RFWD3: variants seen among roughly 807,000 people sequenced by gnomAD.
The protein encoded by RFWD3 is E3 ubiquitin-protein ligase RFWD3.
Under a neutral mutation model 87.7 loss-of-function variants are expected in RFWD3, and 65 were observed. The ratio of observed to expected loss-of-function variants is 0.74; its 90% confidence interval spans 0.61 to 0.91. The LOEUF is 0.91. Ranked by LOEUF, RFWD3 falls within the 40% of genes least tolerant of loss-of-function variation. RFWD3 has a pLI of 0.00. For missense variants in RFWD3, 1,078 were observed against 938.5 expected (o/e 1.15, Z -1.94); for synonymous variants, 433 against 352.8 (o/e 1.23, Z -2.55).
At chr16:74,632,815 G>C in intron 8 of RFWD3, 142 bp from the exon 9 acceptor site, 1 of 687,180 alleles carries the variant, frequency 1.5e-6, no homozygotes, top group Non-Finnish European at 2.4e-6. Flanking sequence ...AAATTCTCTA[G>C]TGTTACAATT....
rs1403791021 is a variant in RFWD3, at chr16:74,637,909, G to A, written c.1141C>T (p.Leu381Phe). The part of the protein sequence containing the change: ...QAELESAQCR[L>F]QLQVLTDKCT... ...TTATCAGTGAGGACCTGCAGTTGGAGTCGGCACTGTGCTGATTCTAACTCG... is the reference window on the plus strand; with the variant it reads ...TTATCAGTGAGGACCTGCAGTTGGAATCGGCACTGTGCTGATTCTAACTCG... The change falls in exon 7 of 13, where the codon CTC (leucine) becomes TTC (phenylalanine). Residue 381 changes from leucine (L) to phenylalanine (F), a missense_variant. Physicochemically the swap from Leu to Phe is conservative, Grantham distance 22. Coordinates refer to ENST00000361070, the MANE Select transcript of RFWD3 (RefSeq NM_018124.4). 1 of 1,612,862 alleles carries A rather than the reference G, an allele frequency of 6.2e-7. No homozygotes were observed. The highest frequency in any genetic ancestry group is 2.2e-5 in the East Asian group (1 of 44,864).
At position 74,661,183 on chromosome 16, in the gene RFWD3, G is replaced by A. The variant is rs1325294681; in HGVS notation, c.267C>T (p.Asp89=). The change falls in exon 2 of 13, where the codon GAC becomes GAT. Residue 89 remains aspartate (D), a synonymous_variant. Coordinates refer to ENST00000361070, the MANE Select transcript of RFWD3 (RefSeq NM_018124.4). ...DLTEVEVLGE[D]TVENINPRTS... Reference sequence around the variant, plus strand: ...TTCTTGGATTGATGTTCTCCACAGTGTCTTCTCCCAAGACCTCCACTTCTG... The same window carrying A: ...TTCTTGGATTGATGTTCTCCACAGTATCTTCTCCCAAGACCTCCACTTCTG... The A allele has an allele frequency of 9.3e-6, 15 of 1,614,090 alleles. No homozygotes were observed. Among genetic ancestry groups the A allele is most frequent in the Admixed American group, 1.7e-5 (1 of 60,002 alleles).
At position 74,626,394 on chromosome 16, in the gene RFWD3, A is replaced by C; in HGVS notation, c.2130T>G (p.Asn710Lys). 1 of 1,614,244 alleles carries C rather than the reference A, an allele frequency of 6.2e-7. No homozygotes were observed. Among genetic ancestry groups the C allele is most frequent in the South Asian group, 1.1e-5 (1 of 91,090 alleles). ...TKNAIFQSPE[N>K]DGNILVCTGD... ...CAGTACACACCAGGATGTTGCCATC[A>C]TTCTCTGGGCTTTGGAAAATGGCAT... Residue 710 changes from asparagine (N) to lysine (K), a missense_variant, in exon 12 of 13, where the codon AAT becomes AAG. Coordinates refer to ENST00000361070, the MANE Select transcript of RFWD3 (RefSeq NM_018124.4).
chr16:74,656,582 T>G (rs1272839671), intron 2 of RFWD3, among the ~76,000 whole-genome samples: 1 of 151,984 alleles, frequency 6.6e-6, no homozygotes, highest in Non-Finnish European at 1.5e-5. Flanking sequence ...CCCAACCTCC[T>G]AAGTAGCTGG....
At chr16:74,631,300 A>G (rs1471159457) in intron 9 of RFWD3, among the ~76,000 whole-genome samples, 1 of 152,120 alleles carries the variant, frequency 6.6e-6, no homozygotes, top group Non-Finnish European at 1.5e-5. Context: ...CCTGGCCAAC[A>G]TGGCGAAACT....
intron 12 of RFWD3, among the ~76,000 whole-genome samples, chr16:74,625,961 A>G (rs866425211): frequency 6.6e-6 from 1 of 152,176 alleles, no homozygotes; most frequent in Non-Finnish European, 1.5e-5. Flanking sequence ...CAAGGCCGGC[A>G]GATCACTTGA....
intron 4 of RFWD3, among the ~76,000 whole-genome samples, chr16:74,646,292 CCTG>C: frequency 1.3e-5 from 2 of 152,182 alleles, no homozygotes; most frequent in African/African-American, 2.4e-5. Flanking sequence ...AGAAGCATCA[CCTG>C]AGCCCGGGAT....
intron 4 of RFWD3, among the ~76,000 whole-genome samples, chr16:74,648,397 C>T (rs1199684454): frequency 6.6e-6 from 1 of 151,548 alleles, no homozygotes; most frequent in Non-Finnish European, 1.5e-5. Flanking sequence ...TCAGGTGATC[C>T]ACCCGCCTTG....
chr16:74,643,605 T>G (rs920639441), intron 6 of RFWD3, among the ~76,000 whole-genome samples: 1 of 151,130 alleles, frequency 6.6e-6, no homozygotes, highest in African/African-American at 2.4e-5. Flanking sequence ...TGTACCTCTC[T>G]CTCAATGGTG....
intron 3 of RFWD3, among the ~76,000 whole-genome samples, chr16:74,651,699 T>A (rs990686926): frequency 1.3e-5 from 2 of 152,190 alleles, no homozygotes; most frequent in Non-Finnish European, 2.9e-5. Context: ...CACTACAAAG[T>A]GACTAACTCA....
intron 12 of RFWD3, among the ~76,000 whole-genome samples, chr16:74,625,131 T>G (rs1340922520): frequency 1.4e-5 from 2 of 146,688 alleles, no homozygotes; most frequent in African/African-American, 5.1e-5. Flanking sequence ...ACCCAGGAGG[T>G]GGAGGTTGTA....
At chr16:74,628,232 T>C (rs1327766870) in intron 11 of RFWD3, among the ~76,000 whole-genome samples, 2 of 152,146 alleles carry the variant, frequency 1.3e-5, no homozygotes, top group Non-Finnish European at 2.9e-5. Context: ...CAGGAGTACC[T>C]GGCAGAATAT....
chr16:74,635,763 G>C (rs1042136839), intron 8 of RFWD3, among the ~76,000 whole-genome samples: 1 of 152,174 alleles, frequency 6.6e-6, no homozygotes, highest in African/African-American at 2.4e-5. Context: ...TTATGCTAAA[G>C]ACAGCAGAAA....
rs56890104 is a variant in RFWD3, at chr16:74,666,845, G to GCCGAAGACTCGGTAGTTACCTTC, written c.-63_-62insGAAGGTAACTACCGAGTCTTCGG. Reference sequence around the variant, plus strand: ...CCGCCGAAGACTCGGTAGTTACCTCGGCCGCACTCCGAATGCACCTACGCC... The same window carrying GCCGAAGACTCGGTAGTTACCTTC: ...CCGCCGAAGACTCGGTAGTTACCTCGCCGAAGACTCGGTAGTTACCTTCGCCGCACTCCGAATGCACCTACGCC... On this transcript the variant is annotated 5_prime_UTR_variant, in exon 1 of 13. Transcript: ENST00000361070. The GCCGAAGACTCGGTAGTTACCTTC allele has an allele frequency of 2.7e-5, 4 of 150,860 alleles. No homozygotes were observed. Among genetic ancestry groups the GCCGAAGACTCGGTAGTTACCTTC allele is most frequent in the East Asian group, 2.0e-4 (1 of 5,020 alleles). The allele number at this position is 150,860 out of a possible 1,614,324, so 9.3% of individuals were successfully genotyped here.
At chr16:74,632,360 C>A (rs1485519835) in intron 9 of RFWD3, among the ~76,000 whole-genome samples, 163 bp downstream of exon 9, 3 of 152,080 alleles carry the variant, frequency 2.0e-5, no homozygotes, top group African/African-American at 7.2e-5. Context: ...CCAGTGCACT[C>A]CAGCCTGGGT....
At position 74,656,956 on chromosome 16, in the gene RFWD3, T is replaced by C. The variant is rs571450081; in HGVS notation, c.518+3976A>G. 5.0e-4 allele frequency among the ~76,000 whole-genome samples: 76 copies of C among 152,354 alleles called. 2 individuals carry two copies. The South Asian group carries it at 0.015, about 31-fold the overall frequency. On this transcript the variant is annotated intron_variant, in intron 2 of 12. Transcript: ENST00000361070. ...ACTAGACTTAGAAGATGTGACTGAA[T>C]TGATCTCATTCCTAGATTTTCCTTT...
In RFWD3 at chr16:74,636,374, C is replaced by G; in HGVS notation, c.1398G>C (p.Gln466His). Reference protein sequence around the residue: ...CDALSCLVISQPSPQASFLPG... With the variant: ...CDALSCLVISHPSPQASFLPG... Reference sequence around the variant, plus strand: ...GAAGAAAAGAGGCCTGAGGAGAAGGCTGTGATATCACCAGGCAGCTCAGAG... The same window carrying G: ...GAAGAAAAGAGGCCTGAGGAGAAGGGTGTGATATCACCAGGCAGCTCAGAG... Residue 466 changes from glutamine to histidine, a missense_variant, in exon 8 of 13, where the codon CAG becomes CAC. Gln to His is a conservative substitution (Grantham distance 24). Transcript: ENST00000361070. 1.9e-6 allele frequency: 3 copies of G among 1,614,148 alleles called. No individual in the cohort carries two copies. Among genetic ancestry groups the G allele is most frequent in the Non-Finnish European group, 2.5e-6 (3 of 1,180,024 alleles).
Position 74,666,845 on chromosome 16 carries a change from G to GCCGAAGCCTCGGTAGTTACCTCC in RFWD3, c.-63_-62insGGAGGTAACTACCGAGGCTTCGG, listed in dbSNP as rs56890104. ...CCGCCGAAGACTCGGTAGTTACCTC[G>GCCGAAGCCTCGGTAGTTACCTCC]GCCGCACTCCGAATGCACCTACGCC... On this transcript the variant is annotated 5_prime_UTR_variant, in exon 1 of 13. Transcript: ENST00000361070. 2 of 150,860 alleles carry GCCGAAGCCTCGGTAGTTACCTCC rather than the reference G, an allele frequency of 1.3e-5. No individual in the cohort carries two copies. The highest frequency in any genetic ancestry group is 4.2e-4 in the South Asian group (2 of 4,724). The allele number at this position is 150,860 out of a possible 1,614,324, so 9.3% of individuals were successfully genotyped here. A position where few individuals can be genotyped will look rare whatever the true frequency, so the allele number is the denominator to read the frequency against.
rs746677609 is a variant in RFWD3, at chr16:74,630,894, C to A, written c.1641G>T (p.Trp547Cys). 6.2e-7 allele frequency: 1 copy of A among 1,614,028 alleles called. No individual in the cohort carries two copies. The highest frequency in any genetic ancestry group is 8.5e-7 in the Non-Finnish European group (1 of 1,179,938). The change falls in exon 10 of 13, where the codon TGG becomes TGT. Residue 547 changes from tryptophan (W) to cysteine (C), a missense_variant. Trp to Cys is a radical substitution (Grantham distance 215). Transcript: ENST00000361070. Reference sequence around the variant, plus strand: ...AGATGTAGTTAGCCTCATCAAGACACCAGCAACAGCTCCAGACAGGACGTC... The same window carrying A: ...AGATGTAGTTAGCCTCATCAAGACAACAGCAACAGCTCCAGACAGGACGTC... Reference protein sequence around the residue: ...NAGRPVWSCCWCLDEANYIYA... With the variant: ...NAGRPVWSCCCCLDEANYIYA...
Sources: gnomAD v4.1 joint callset for allele counts (sites outside exome capture counted in the v4.1 genomes callset) on GRCh38, gnomAD v4.1.1 for gene constraint, MANE v1.5 for transcripts, NCBI Gene and HGNC (gene_info 2026-07-23, HGNC 2026-07-21) for gene names.